ITSN1: variants seen among roughly 807,000 people sequenced by gnomAD.
ITSN1 encodes the protein intersectin-1.
A neutral mutation model predicts 239.8 loss-of-function variants in ITSN1; 58 were observed. The ratio of observed to expected loss-of-function variants is 0.24; its 90% CI spans 0.20 to 0.30. The LOEUF (loss-of-function observed/expected upper bound fraction) is 0.30, where lower values mean the gene tolerates loss of function less well. ITSN1 is among the 10% of genes least tolerant of loss of function. The pLI, the probability that ITSN1 is intolerant of heterozygous loss-of-function variation, is 1.00. For missense variants in ITSN1, 1,558 were observed against 2,103.3 expected, an observed-to-expected ratio of 0.74 and a Z score of 5.07; for synonymous variants, 780 against 770.8, an observed-to-expected ratio of 1.01 and a Z score of -0.20.
intron 19 of ITSN1, among the ~76,000 whole-genome samples, chr21:33,800,299 G>GTA (rs911826702): frequency 4.0e-5 from 6 of 151,508 alleles, no homozygotes; most frequent in East Asian, 1.9e-4. Context: ...GTGTGCGTGT[G>GTA]TATATATATG....
intron 1 of ITSN1, among the ~76,000 whole-genome samples, chr21:33,669,533 G>A (rs1482731312): frequency 6.6e-6 from 1 of 151,070 alleles, no homozygotes; most frequent in Non-Finnish European, 1.5e-5. Flanking sequence ...TCCGCCTCCC[G>A]GGTTCAAGCA....
intron 29 of ITSN1, among the ~76,000 whole-genome samples, chr21:33,845,675 AG>A (rs1479384294): frequency 6.6e-6 from 1 of 152,074 alleles, no homozygotes; most frequent in Admixed American, 6.5e-5. Context: ...GTGCTTGCAG[AG>A]GGGAAACTGG....
intron 19 of ITSN1, among the ~76,000 whole-genome samples, chr21:33,800,303 A>G (rs1306733383): frequency 6.6e-6 from 1 of 151,764 alleles, no homozygotes; most frequent in African/African-American, 2.4e-5. Context: ...GCGTGTGTAT[A>G]TATATGTGTA....
chr21:33,781,973 T>C (rs772397270), intron 15 of ITSN1, 21 bp from the exon 16 acceptor site: 5 of 1,573,682 alleles, frequency 3.2e-6, no homozygotes, highest in Non-Finnish European at 4.3e-6. Context: ...TTCTTATCTT[T>C]GCGACGTTTT....
intron 9 of ITSN1, among the ~76,000 whole-genome samples, chr21:33,765,556 A>G (rs1248494272): frequency 6.6e-6 from 1 of 152,214 alleles, no homozygotes; most frequent in African/African-American, 2.4e-5. Flanking sequence ...ATGTCATTGC[A>G]CATCAGCCTG....
intron 30 of ITSN1, among the ~76,000 whole-genome samples, chr21:33,857,415 A>G (rs1224728232): frequency 6.6e-6 from 1 of 152,190 alleles, no homozygotes; most frequent in Non-Finnish European, 1.5e-5. Flanking sequence ...TGGCCACCTC[A>G]TCCAGAACTA....
intron 9 of ITSN1, among the ~76,000 whole-genome samples, chr21:33,762,978 A>C (rs2068460938): frequency 6.6e-6 from 1 of 152,020 alleles, no homozygotes; most frequent in Non-Finnish European, 1.5e-5. Flanking sequence ...TCTTCTTAGC[A>C]CAGTCATAAC....
intron 1 of ITSN1, among the ~76,000 whole-genome samples, chr21:33,669,995 G>A (rs549880683): frequency 2.6e-4 from 40 of 152,172 alleles, no homozygotes; most frequent in African/African-American, 8.7e-4. Context: ...AGACTCATAG[G>A]TGCTCTCTCT....
chr21:33,875,341 T>C lies in ITSN1; in HGVS notation c.4174-13T>C, dbSNP rs759400200. On this transcript the variant is annotated splice_polypyrimidine_tract_variant and intron_variant, in intron 33 of 39. Coordinates refer to ENST00000381318, the MANE Select transcript of ITSN1 (RefSeq NM_003024.3). Reference sequence around the variant, plus strand: ...GCCTAAAAGGAGGTGGTTGTTTTTATTCTCCTGTGTAGATCCTGGAAAACA... The same window carrying C: ...GCCTAAAAGGAGGTGGTTGTTTTTACTCTCCTGTGTAGATCCTGGAAAACA... 1 of 1,614,106 alleles carries C rather than the reference T, an allele frequency of 6.2e-7. No individual in the cohort carries two copies. The highest frequency in any genetic ancestry group is 8.5e-7 in the Non-Finnish European group (1 of 1,179,960).
At chr21:33,770,124 C>T (rs1251322024) in intron 11 of ITSN1, among the ~76,000 whole-genome samples, 2 of 151,844 alleles carry the variant, frequency 1.3e-5, no homozygotes, top group African/African-American at 2.4e-5. Flanking sequence ...AGTGCAGTGG[C>T]GCGATCTTGG....
chr21:33,783,691 C>CAA (rs11349210), intron 16 of ITSN1, among the ~76,000 whole-genome samples: 46 of 132,022 alleles, frequency 3.5e-4, no homozygotes, highest in Admixed American at 8.3e-4. Flanking sequence ...CTTTTATAAG[C>CAA]AAAAAAAAAA....
chr21:33,690,258 A>AT (rs1330977185), intron 1 of ITSN1, among the ~76,000 whole-genome samples: 1 of 151,548 alleles, frequency 6.6e-6, no homozygotes, highest in East Asian at 1.9e-4. Flanking sequence ...AGCCTGGGTG[A>AT]TAGAGCAAGA....
At chr21:33,790,692 G>A (rs1046736246) in intron 16 of ITSN1, among the ~76,000 whole-genome samples, 2 of 152,150 alleles carry the variant, frequency 1.3e-5, no homozygotes, top group African/African-American at 4.8e-5. Context: ...AAATAACTGT[G>A]ACAAATTCCA....
rs958103165 is a variant in ITSN1, at chr21:33,703,115, A to G, written c.-32-15682A>G. Reference sequence around the variant, plus strand: ...TGTGTGTGTGTGTGTGTGTGTGTGTATACACATATATACGTATATATAAAT... The same window carrying G: ...TGTGTGTGTGTGTGTGTGTGTGTGTGTACACATATATACGTATATATAAAT... On this transcript the variant is annotated intron_variant, in intron 1 of 39. Transcript: ENST00000381318. 2.0e-4 allele frequency among the ~76,000 whole-genome samples: 25 copies of G among 122,628 alleles called. No individual in the cohort carries two copies. In the East Asian group the frequency reaches 3.7e-3, roughly 18 times the overall value. The allele number at this position is 122,628 out of a possible 152,430, so 80.4% of individuals were successfully genotyped here.
chr21:33,735,131 A>G lies in ITSN1; in HGVS notation c.273A>G (p.Gly91=), dbSNP rs2066418299. 1 of 1,613,976 alleles carries G rather than the reference A, an allele frequency of 6.2e-7. No individual in the cohort carries two copies. Among genetic ancestry groups the G allele is most frequent in the African/African-American group, 1.3e-5 (1 of 75,020 alleles). Residue 91 remains glycine, a synonymous_variant, in exon 5 of 40, where the codon GGA becomes GGG. Coordinates refer to ENST00000381318, the MANE Select transcript of ITSN1 (RefSeq NM_003024.3). The part of the protein sequence containing the change: ...AMKLIKLKLQ[G]YQLPSALPPV... ...AACTTATCAAACTGAAGCTACAAGG[A>G]TATCAGCTACCCTCTGCACTTCCCC...
intron 1 of ITSN1, among the ~76,000 whole-genome samples, chr21:33,664,219 C>T (rs2089771900): frequency 6.6e-6 from 1 of 152,178 alleles, no homozygotes; most frequent in Admixed American, 6.5e-5. Flanking sequence ...GTGAGGTCCT[C>T]AGGTTGCTTT....
chr21:33,838,553 C>A, intron 29 of ITSN1: 1 of 699,908 alleles, frequency 1.4e-6, no homozygotes, highest in Non-Finnish European at 1.8e-6. Flanking sequence ...TGGTGAGGAA[C>A]CAAGCAGACT....
chr21:33,894,367 C>T lies in ITSN1; in HGVS notation c.*6067C>T, dbSNP rs369006648. ...GACACTATGTGTGCTTGTCAAATTT[C>T]AGGGTCAGTTTCCCCTTATTGGATG... On this transcript the variant is annotated 3_prime_UTR_variant, in exon 40 of 40. Transcript: ENST00000381318. The T allele has an allele frequency of 1.3e-5, 2 of 152,134 alleles. No individual in the cohort carries two copies. Among genetic ancestry groups the T allele is most frequent in the South Asian group, 4.1e-4 (2 of 4,822 alleles). The allele number at this position is 152,134 out of a possible 1,614,324, so 9.4% of individuals were successfully genotyped here.
intron 2 of ITSN1, among the ~76,000 whole-genome samples, chr21:33,719,535 G>C (rs1348014544): frequency 1.3e-5 from 2 of 152,186 alleles, no homozygotes; most frequent in Non-Finnish European, 2.9e-5. Context: ...ACATTTCCCT[G>C]ATAGTCTTTA....
Sources: gnomAD v4.1 joint callset for allele counts (sites outside exome capture counted in the v4.1 genomes callset) on GRCh38, gnomAD v4.1.1 for gene constraint, MANE v1.5 for transcripts, NCBI Gene and HGNC (gene_info 2026-07-23, HGNC 2026-07-21) for gene names.